SGCZ: variants seen among roughly 807,000 people sequenced by gnomAD.
SGCZ encodes the protein sarcoglycan zeta, also known as zeta-sarcoglycan.
Under a neutral mutation model 41.3 loss-of-function variants are expected in SGCZ, and 40 were observed. The observed-to-expected ratio is 0.97, with a 90% CI of 0.75 to 1.26. The LOEUF (loss-of-function observed/expected upper bound fraction) is 1.26. SGCZ is among the 50% of genes most tolerant of loss of function. The pLI is 0.00. For synonymous variants in SGCZ, 206 were observed against 137.5 expected (o/e 1.50, Z -3.49); for missense variants, 552 against 369.8 (o/e 1.49, Z -4.04).
intron 1 of SGCZ, among the ~76,000 whole-genome samples, chr8:15,014,705 C>A (rs1362651233): frequency 6.6e-6 from 1 of 152,156 alleles, no homozygotes; most frequent in Admixed American, 6.6e-5. Context: ...CACTAATCAC[C>A]AAAGCTGAAG....
chr8:14,165,324 T>C (rs1804174911), intron 4 of SGCZ: 1 of 152,288 alleles, frequency 6.6e-6, no homozygotes, highest in Non-Finnish European at 1.5e-5. Context: ...CCTGATTTAT[T>C]GAAAAACGGT....
intron 2 of SGCZ, chr8:14,332,712 G>C (rs950751795): frequency 1.3e-5 from 2 of 151,486 alleles, no homozygotes; most frequent in African/African-American, 2.4e-5. Context: ...GAACCACCCA[G>C]AGTATTCAGT....
chr8:14,144,795 T>C (rs1803473416), intron 5 of SGCZ, among the ~76,000 whole-genome samples: 1 of 152,088 alleles, frequency 6.6e-6, no homozygotes, highest in Non-Finnish European at 1.5e-5. Flanking sequence ...CACCATAAGC[T>C]GATATAAGAG....
At chr8:14,926,025 G>A (rs547281624) in intron 1 of SGCZ, among the ~76,000 whole-genome samples, 2 of 152,136 alleles carry the variant, frequency 1.3e-5, no homozygotes, top group African/African-American at 4.8e-5. Flanking sequence ...GAGTCTTAAA[G>A]TTAACTATGT....
chr8:14,404,194 A>G (rs1374619622), intron 2 of SGCZ, among the ~76,000 whole-genome samples: 1 of 152,222 alleles, frequency 6.6e-6, no homozygotes, highest in Admixed American at 6.6e-5. Context: ...CTGTAATTGT[A>G]TCTATATACA....
At chr8:14,730,712 C>T (rs915513558) in intron 1 of SGCZ, among the ~76,000 whole-genome samples, 13 of 151,678 alleles carry the variant, frequency 8.6e-5, no homozygotes, top group South Asian at 8.3e-4. Flanking sequence ...AACATGTTCA[C>T]CAAGGCACCT....
intron 1 of SGCZ, among the ~76,000 whole-genome samples, chr8:15,190,686 G>C (rs970194515): frequency 2.7e-5 from 4 of 150,038 alleles, no homozygotes; most frequent in African/African-American, 1.0e-4. Flanking sequence ...TGTGTGGGGG[G>C]AGGTGTGCGT....
chr8:14,336,700 G>C (rs1802518187), intron 2 of SGCZ, among the ~76,000 whole-genome samples: 1 of 152,046 alleles, frequency 6.6e-6, no homozygotes, highest in South Asian at 2.1e-4. Flanking sequence ...TTTATCTTTT[G>C]AATTTGAGAC....
At chr8:14,400,947 T>C (rs1563305154) in intron 2 of SGCZ, among the ~76,000 whole-genome samples, 1 of 152,162 alleles carries the variant, frequency 6.6e-6, no homozygotes, top group African/African-American at 2.4e-5. Flanking sequence ...GTTAAATATG[T>C]TTCAAACAAT....
intron 2 of SGCZ, among the ~76,000 whole-genome samples, chr8:14,448,410 A>G (rs372739186): frequency 2.6e-5 from 4 of 152,312 alleles, no homozygotes; most frequent in South Asian, 4.1e-4. Context: ...CACCAGTTAG[A>G]TAATACAAGC....
intron 2 of SGCZ, among the ~76,000 whole-genome samples, chr8:14,475,613 T>A (rs1801334970): frequency 6.6e-6 from 1 of 152,176 alleles, no homozygotes; most frequent in Non-Finnish European, 1.5e-5. Flanking sequence ...ACAAGACAAC[T>A]TTGTGCTATA....
chr8:14,206,217 C>T (rs1319833742), intron 4 of SGCZ, among the ~76,000 whole-genome samples: 2 of 152,024 alleles, frequency 1.3e-5, no homozygotes, highest in Non-Finnish European at 2.9e-5. Flanking sequence ...ACTCCTTTGC[C>T]ATATACTATC....
intron 1 of SGCZ, among the ~76,000 whole-genome samples, chr8:15,077,339 T>G (rs1224509673): frequency 6.6e-6 from 1 of 152,236 alleles, no homozygotes; most frequent in Non-Finnish European, 1.5e-5. Context: ...GCATTTCATG[T>G]ATTTACAGCT....
chr8:15,061,532 A>T (rs1027777851), intron 1 of SGCZ, among the ~76,000 whole-genome samples: 5 of 147,978 alleles, frequency 3.4e-5, no homozygotes, highest in Admixed American at 2.0e-4. Context: ...ACAGTATATA[A>T]AAAAAAAAAA....
chr8:14,861,431 G>A (rs753960349), intron 1 of SGCZ, among the ~76,000 whole-genome samples: 2 of 152,164 alleles, frequency 1.3e-5, no homozygotes, highest in Non-Finnish European at 2.9e-5. Context: ...AATGAAATGC[G>A]TATATATGTA....
intron 2 of SGCZ, among the ~76,000 whole-genome samples, chr8:14,549,272 T>C (rs1803727382): frequency 6.6e-6 from 1 of 152,074 alleles, no homozygotes; most frequent in African/African-American, 2.4e-5. Context: ...AAAACTATCT[T>C]ACCAAAGTGC....
intron 5 of SGCZ, among the ~76,000 whole-genome samples, chr8:14,153,022 G>A (rs1803757660): frequency 6.6e-6 from 1 of 152,142 alleles, no homozygotes; most frequent in Non-Finnish European, 1.5e-5. Flanking sequence ...GGGTTAACGT[G>A]AGGGTGGAGG....
At chr8:14,231,631 T>A (rs10112420) in intron 4 of SGCZ, among the ~76,000 whole-genome samples, 5,341 of 152,170 alleles carry the variant, frequency 0.035, 137 homozygotes, top group African/African-American at 0.073. Context: ...TTATTTTACA[T>A]AACTACCCTT....
At chr8:14,342,986 G>A (rs1802764129) in intron 2 of SGCZ, among the ~76,000 whole-genome samples, 1 of 152,170 alleles carries the variant, frequency 6.6e-6, no homozygotes. Context: ...CTGTGTCCCA[G>A]CCACTCCTGC....
Sources: allele counts gnomAD v4.1 joint callset (sites outside exome capture counted in the v4.1 genomes callset), GRCh38; gene constraint gnomAD v4.1.1; transcripts MANE v1.5; gene names NCBI Gene and HGNC (gene_info 2026-07-23, HGNC 2026-07-21).